The following NCK2 variants were observed in gnomAD, a reference collection of about 807,000 sequenced individuals.
The protein encoded by NCK2 is NCK adaptor protein 2.
Under a neutral mutation model 33.9 loss-of-function variants are expected in NCK2, and 16 were observed. The ratio of observed to expected loss-of-function variants is 0.47; its 90% confidence interval spans 0.32 to 0.72. The LOEUF (loss-of-function observed/expected upper bound fraction) is 0.72, where lower values mean the gene tolerates loss of function less well. Among genes scored for constraint, NCK2 ranks in the 30% least tolerant of loss-of-function variants. The pLI is 0.03. For synonymous variants in NCK2, 273 were observed against 239.9 expected (o/e 1.14, Z -1.27); for missense variants, 418 against 537.3 (o/e 0.78, Z 2.19).
intron 1 of NCK2, among the ~76,000 whole-genome samples, chr2:105,807,484 T>C (rs151243673): frequency 5.3e-5 from 8 of 152,314 alleles, no homozygotes; most frequent in Non-Finnish European, 8.8e-5. Context: ...CTGATATCTA[T>C]GTAATTTGAG....
At chr2:105,783,962 C>A (rs886639250) in intron 1 of NCK2, among the ~76,000 whole-genome samples, 4 of 152,232 alleles carry the variant, frequency 2.6e-5, no homozygotes, top group Non-Finnish European at 5.9e-5. Flanking sequence ...AGACAGAGTG[C>A]CATTGCCTTT....
chr2:105,881,782 G>A lies in NCK2; in HGVS notation c.681G>A (p.Lys227=). The A allele has an allele frequency of 6.2e-7, 1 of 1,613,908 alleles. No homozygotes were observed. Among genetic ancestry groups the A allele is most frequent in the Non-Finnish European group, 8.5e-7 (1 of 1,179,896 alleles). ...EKGETMEVIE[K]PENDPEWWKC... is the part of the protein sequence containing the mutation. The stretch of plus-strand genomic sequence containing the variant: ...GGGAGACCATGGAGGTGATTGAGAA[G>A]CCGGAGAACGACCCCGAGTGGTGGA... The change falls in exon 4 of 5, where the codon AAG becomes AAA. Residue 227 remains lysine (K), a synonymous_variant. Coordinates refer to ENST00000233154, the MANE Select transcript of NCK2 (RefSeq NM_003581.5).
At chr2:105,835,223 G>A (rs1211575873) in intron 2 of NCK2, among the ~76,000 whole-genome samples, 1 of 151,008 alleles carries the variant, frequency 6.6e-6, no homozygotes. Flanking sequence ...GCTTCCAAAT[G>A]TAGGGTTTCC....
At chr2:105,766,135 A>AG (rs1689938453) in intron 1 of NCK2, among the ~76,000 whole-genome samples, 1 of 151,950 alleles carries the variant, frequency 6.6e-6, no homozygotes, top group African/African-American at 2.4e-5. Flanking sequence ...CAAAAGAATG[A>AG]GGGGAGGCGC....
chr2:105,770,035 T>C (rs1389063368), intron 1 of NCK2, among the ~76,000 whole-genome samples: 2 of 151,338 alleles, frequency 1.3e-5, no homozygotes, highest in Non-Finnish European at 2.9e-5. Context: ...CAGAGTACAG[T>C]GAGTCAAACC....
At chr2:105,831,054 T>C (rs898826517) in intron 2 of NCK2, among the ~76,000 whole-genome samples, 1 of 152,232 alleles carries the variant, frequency 6.6e-6, no homozygotes, top group Non-Finnish European at 1.5e-5. Context: ...TTATTTCCTT[T>C]GCTGTGCAAA....
At chr2:105,842,907 TACTG>T (rs899241090) in intron 2 of NCK2, among the ~76,000 whole-genome samples, 4 of 151,928 alleles carry the variant, frequency 2.6e-5, no homozygotes, top group Admixed American at 2.0e-4. Context: ...GGGGGGTTCT[TACTG>T]CTTGCCATTG....
At chr2:105,768,325 C>T (rs1261264456) in intron 1 of NCK2, among the ~76,000 whole-genome samples, 3 of 152,226 alleles carry the variant, frequency 2.0e-5, no homozygotes, top group African/African-American at 4.8e-5. Context: ...GATTCTCTGA[C>T]ACCACCTAGG....
intron 2 of NCK2, among the ~76,000 whole-genome samples, chr2:105,827,936 A>T (rs1676015971): frequency 1.3e-5 from 2 of 152,248 alleles, no homozygotes; most frequent in Middle Eastern, 6.8e-3. Context: ...ACAGAACCAT[A>T]TATACTCATT....
At chr2:105,810,853 A>G (rs1675268084) in intron 1 of NCK2, among the ~76,000 whole-genome samples, 1 of 152,182 alleles carries the variant, frequency 6.6e-6, no homozygotes, top group Non-Finnish European at 1.5e-5. Context: ...TAGGCAGCAG[A>G]CTGTAAATCT....
At chr2:105,891,150 C>T (rs902664048) in intron 4 of NCK2, among the ~76,000 whole-genome samples, 8 of 152,272 alleles carry the variant, frequency 5.3e-5, no homozygotes, top group Non-Finnish European at 1.0e-4. Context: ...TCACACGCTA[C>T]GCATACTCTC....
intron 3 of NCK2, among the ~76,000 whole-genome samples, chr2:105,857,790 G>T (rs145301645): frequency 4.3e-4 from 66 of 152,280 alleles, no homozygotes; most frequent in African/African-American, 1.5e-3. Context: ...CTCACCTGGA[G>T]GTTTTTGTTG....
intron 1 of NCK2, among the ~76,000 whole-genome samples, chr2:105,777,795 G>A (rs561605347): frequency 1.3e-5 from 2 of 152,252 alleles, no homozygotes; most frequent in South Asian, 4.1e-4. Flanking sequence ...CTCCTGTCAA[G>A]CAGGAAACAA....
chr2:105,770,656 TCA>T (rs1258960222), intron 1 of NCK2, among the ~76,000 whole-genome samples: 1 of 152,240 alleles, frequency 6.6e-6, no homozygotes, highest in Non-Finnish European at 1.5e-5. Context: ...CTTGTGTGAA[TCA>T]CAGAGTGCTA....
chr2:105,860,294 A>T (rs1210008923), intron 3 of NCK2, among the ~76,000 whole-genome samples: 2 of 152,114 alleles, frequency 1.3e-5, no homozygotes, highest in Non-Finnish European at 2.9e-5. Context: ...TCAAAAAATG[A>T]GCCATAAAAA....
chr2:105,856,371 A>G (rs1677272446), intron 3 of NCK2, among the ~76,000 whole-genome samples: 1 of 152,228 alleles, frequency 6.6e-6, no homozygotes, highest in Admixed American at 6.5e-5. Context: ...GTCTGTATCC[A>G]AGACTGCAGG....
chr2:105,792,626 A>C (rs1406348294), intron 1 of NCK2, among the ~76,000 whole-genome samples: 8 of 151,070 alleles, frequency 5.3e-5, no homozygotes, highest in Non-Finnish European at 8.9e-5. Context: ...CACCTTCCCC[A>C]TGCCAGTTGA....
intron 1 of NCK2, among the ~76,000 whole-genome samples, chr2:105,768,987 G>T (rs1380202781): frequency 3.3e-5 from 5 of 151,632 alleles, no homozygotes; most frequent in African/African-American, 1.2e-4. Context: ...AGAGGTTGGG[G>T]TGTAGGGGGT....
intron 1 of NCK2, among the ~76,000 whole-genome samples, chr2:105,759,036 G>T (rs1181559606): frequency 6.6e-6 from 1 of 152,126 alleles, no homozygotes; most frequent in African/African-American, 2.4e-5. Flanking sequence ...TAGTTAATTA[G>T]TGATAGACTA....
Sources: allele counts gnomAD v4.1 joint callset (sites outside exome capture counted in the v4.1 genomes callset), GRCh38; gene constraint gnomAD v4.1.1; transcripts MANE v1.5; gene names NCBI Gene and HGNC (gene_info 2026-07-23, HGNC 2026-07-21).